DPP4: variants seen among roughly 807,000 people sequenced by gnomAD.
DPP4 encodes dipeptidyl peptidase 4.
DPP4 carries 93 observed loss-of-function variants against 122.4 expected under a neutral mutation model. The ratio of observed to expected loss-of-function variants is 0.76; its 90% confidence interval spans 0.64 to 0.90. The LOEUF (loss-of-function observed/expected upper bound fraction) is 0.90. DPP4 is among the 40% of genes least tolerant of loss of function. DPP4 has a pLI of 0.00. For missense variants in DPP4, 914 were observed against 907.3 expected (o/e 1.01, Z -0.09); for synonymous variants, 321 against 302.9 (o/e 1.06, Z -0.62).
intron 16 of DPP4, among the ~76,000 whole-genome samples, chr2:162,018,272 T>C (rs1682993228): frequency 6.6e-6 from 1 of 152,202 alleles, no homozygotes; most frequent in Non-Finnish European, 1.5e-5. Context: ...GTTGTGCCTG[T>C]AACTCGCTGT....
At chr2:162,028,297 G>A (rs1250374421) in intron 10 of DPP4, among the ~76,000 whole-genome samples, 2 of 152,212 alleles carry the variant, frequency 1.3e-5, no homozygotes, top group Middle Eastern at 3.4e-3. Flanking sequence ...GGCAGACAGA[G>A]GTTGCATTGA....
intron 25 of DPP4, 121 bp downstream of exon 25, chr2:161,994,840 A>C (rs1700957872): frequency 5.5e-6 from 5 of 912,538 alleles, no homozygotes; most frequent in Non-Finnish European, 8.5e-6. Context: ...TCACGTTGAA[A>C]AAAAAATTTT....
intron 9 of DPP4, among the ~76,000 whole-genome samples, chr2:162,034,709 A>C (rs987662302): frequency 6.6e-6 from 1 of 152,162 alleles, no homozygotes; most frequent in African/African-American, 2.4e-5. Context: ...GACATGAAAA[A>C]TTTACATTAG....
At chr2:162,027,055 T>A (rs1683356317) in intron 10 of DPP4, among the ~76,000 whole-genome samples, 1 of 152,144 alleles carries the variant, frequency 6.6e-6, no homozygotes, top group South Asian at 2.1e-4. Context: ...TCATTAAACT[T>A]TCATGTATAA....
intron 14 of DPP4, 27 bp downstream of exon 14, chr2:162,020,202 T>C (rs201026209): frequency 4.6e-4 from 734 of 1,589,078 alleles, no homozygotes; most frequent in Non-Finnish European, 6.1e-4. Context: ...AGTAGGTTTA[T>C]ATCCTATCAA....
chr2:162,059,308 C>A (rs1166494731), intron 2 of DPP4, among the ~76,000 whole-genome samples: 1 of 151,974 alleles, frequency 6.6e-6, no homozygotes, highest in Non-Finnish European at 1.5e-5. Context: ...TGGGAATAAA[C>A]AAGACTGATA....
chr2:161,993,446 T>A (rs914199754), intron 25 of DPP4, 62 bp from the exon 26 acceptor site: 14 of 1,084,056 alleles, frequency 1.3e-5, no homozygotes, highest in Admixed American at 3.8e-5. Context: ...AAAAAAAAAA[T>A]ACGTAAATTC....
chr2:162,032,614 G>T (rs971078476), intron 10 of DPP4, among the ~76,000 whole-genome samples: 2 of 152,104 alleles, frequency 1.3e-5, no homozygotes, highest in Non-Finnish European at 2.9e-5. Context: ...GGGAGGCAGA[G>T]GTTGCAGTGA....
chr2:162,054,021 C>A (rs1456413512), intron 2 of DPP4, among the ~76,000 whole-genome samples: 2 of 152,158 alleles, frequency 1.3e-5, no homozygotes, highest in Non-Finnish European at 2.9e-5. Context: ...CCCAGCAAAG[C>A]CTTACTGGGG....
At chr2:162,061,270 G>C (rs1684762755) in intron 2 of DPP4, among the ~76,000 whole-genome samples, 2 of 152,200 alleles carry the variant, frequency 1.3e-5, no homozygotes, top group South Asian at 4.2e-4. Flanking sequence ...AGTGTGTACT[G>C]ATCTTAAAGA....
chr2:162,070,945 T>A (rs1685092460), intron 2 of DPP4, among the ~76,000 whole-genome samples: 2 of 152,084 alleles, frequency 1.3e-5, no homozygotes, highest in African/African-American at 4.8e-5. Context: ...TTAGCCACCC[T>A]CTCCTTTACC....
At chr2:162,060,191 T>C (rs1038730243) in intron 2 of DPP4, among the ~76,000 whole-genome samples, 1 of 152,242 alleles carries the variant, frequency 6.6e-6, no homozygotes, top group African/African-American at 2.4e-5. Flanking sequence ...TTGGTGGAGA[T>C]GAATTAGGCT....
intron 11 of DPP4, among the ~76,000 whole-genome samples, chr2:162,023,445 A>G (rs902815777): frequency 5.3e-5 from 8 of 151,816 alleles, no homozygotes; most frequent in Non-Finnish European, 1.2e-4. Context: ...GCCTTTGCCT[A>G]TATCTCTAGC....
At position 162,008,576 on chromosome 2, in the gene DPP4, C is replaced by A. The variant is rs138430103; in HGVS notation, c.1973G>T (p.Arg658Leu). The change falls in exon 22 of 26, where the codon CGG becomes CTG. Residue 658 changes from arginine (R) to leucine (L), a missense_variant. Transcript: ENST00000360534. Reference protein sequence around the residue: ...KCGIAVAPVSRWEYYDSVYTE... With the variant: ...KCGIAVAPVSLWEYYDSVYTE... ...CAATTACATACCATAGTACTCCCAC[C>A]GGGATACAGGCGCCACGGCTATTCC... is the stretch of plus-strand genomic sequence containing the variant. The A allele has an allele frequency of 3.1e-6, 5 of 1,613,572 alleles. No homozygotes were observed. Among genetic ancestry groups the A allele is most frequent in the African/African-American group, 1.3e-5 (1 of 74,994 alleles).
chr2:162,052,284 C>T (rs1576066773), intron 2 of DPP4, among the ~76,000 whole-genome samples: 1 of 141,918 alleles, frequency 7.0e-6, no homozygotes, highest in Non-Finnish European at 1.5e-5. Context: ...CACCATTGCA[C>T]TCCAGCCTGG....
chr2:162,018,967 C>T, intron 15 of DPP4, 117 bp from the exon 16 acceptor site: 3 of 1,064,046 alleles, frequency 2.8e-6, no homozygotes, highest in Admixed American at 3.0e-5. Flanking sequence ...ATCTTTAGGA[C>T]TTTTTTTTTT....
intron 17 of DPP4, 68 bp downstream of exon 17, chr2:162,017,040 A>C: frequency 6.6e-7 from 1 of 1,520,448 alleles, no homozygotes; most frequent in African/African-American, 1.4e-5. Context: ...ACACAATGCT[A>C]AGTACATGTT....
intron 2 of DPP4, among the ~76,000 whole-genome samples, chr2:162,053,199 T>C (rs904764704): frequency 6.6e-6 from 1 of 152,150 alleles, no homozygotes; most frequent in Non-Finnish European, 1.5e-5. Context: ...ATGTTTAAGT[T>C]TAATAAGGAG....
At chr2:162,040,455 G>A (rs907733245) in intron 5 of DPP4, among the ~76,000 whole-genome samples, 2 of 152,194 alleles carry the variant, frequency 1.3e-5, no homozygotes, top group East Asian at 1.9e-4. Context: ...ATAAGCCAAT[G>A]TGGTAAGGTT....
Sources: gnomAD v4.1 joint callset for allele counts (sites outside exome capture counted in the v4.1 genomes callset) on GRCh38, gnomAD v4.1.1 for gene constraint, MANE v1.5 for transcripts, NCBI Gene and HGNC (gene_info 2026-07-23, HGNC 2026-07-21) for gene names.